TMEM131: variants seen among roughly 807,000 people sequenced by gnomAD.
The protein encoded by TMEM131 is 2610524E03Rik.
A neutral mutation model predicts 211.6 loss-of-function variants in TMEM131; 66 were observed. That is an observed-to-expected ratio of 0.31 (90% CI 0.26 to 0.38). TMEM131 has a LOEUF of 0.38. Ranked by LOEUF, TMEM131 falls within the 10% of genes least tolerant of loss-of-function variation. The pLI is 1.00. For synonymous variants in TMEM131, 844 were observed against 841.3 expected, an observed-to-expected ratio of 1.00 and a Z score of -0.06; for missense variants, 2,036 against 2,299.3, an observed-to-expected ratio of 0.89 and a Z score of 2.34.
intron 4 of TMEM131, among the ~76,000 whole-genome samples, chr2:97,886,198 T>C (rs1356111558): frequency 2.0e-5 from 3 of 152,204 alleles, no homozygotes; most frequent in African/African-American, 4.8e-5. Flanking sequence ...AACTGTAAGT[T>C]TTCCTGTATC....
intron 5 of TMEM131, among the ~76,000 whole-genome samples, chr2:97,853,537 C>T (rs530141784): frequency 6.9e-4 from 101 of 145,578 alleles, no homozygotes; most frequent in South Asian, 2.2e-3. Context: ...ACCTGGGAGG[C>T]GGAGGTTGCA....
At chr2:97,829,691 A>G (rs1481945855) in intron 11 of TMEM131, among the ~76,000 whole-genome samples, 2 of 152,266 alleles carry the variant, frequency 1.3e-5, no homozygotes, top group East Asian at 3.9e-4. Flanking sequence ...TTGGGTCCGC[A>G]CCACCTTTAA....
chr2:97,948,578 GA>G (rs1678151909), intron 1 of TMEM131, among the ~76,000 whole-genome samples: 1 of 152,172 alleles, frequency 6.6e-6, no homozygotes, highest in Admixed American at 6.5e-5. Flanking sequence ...GGATGTGCAG[GA>G]AGTGGAACTG....
At chr2:97,762,991 G>A (rs570698671) in intron 35 of TMEM131, 3 of 152,328 alleles carry the variant, frequency 2.0e-5, no homozygotes, top group African/African-American at 7.2e-5. Context: ...GCTACTGCAA[G>A]AGGAAGAAGG....
intron 2 of TMEM131, among the ~76,000 whole-genome samples, chr2:97,922,041 G>T (rs928883912): frequency 1.3e-5 from 2 of 152,144 alleles, no homozygotes; most frequent in Non-Finnish European, 2.9e-5. Context: ...CTGGCACCAG[G>T]GACTGGTTTC....
At chr2:97,798,319 G>T (rs1333746203) in intron 25 of TMEM131, among the ~76,000 whole-genome samples, 2 of 152,162 alleles carry the variant, frequency 1.3e-5, no homozygotes, top group African/African-American at 4.8e-5. Context: ...CTTTTTTGAG[G>T]GAAGGGTTGT....
intron 5 of TMEM131, among the ~76,000 whole-genome samples, chr2:97,858,468 C>A (rs998342618): frequency 5.9e-5 from 9 of 151,992 alleles, no homozygotes; most frequent in Admixed American, 5.2e-4. Flanking sequence ...GTAAGGAGAA[C>A]CTTAAATTGG....
intron 4 of TMEM131, among the ~76,000 whole-genome samples, chr2:97,874,946 C>T (rs1245985230): frequency 6.6e-6 from 1 of 152,080 alleles, no homozygotes; most frequent in Non-Finnish European, 1.5e-5. Context: ...AGAGTCAAGA[C>T]CCATCAGTGT....
chr2:97,875,532 TGC>T (rs1412975933), intron 4 of TMEM131, among the ~76,000 whole-genome samples: 4 of 152,226 alleles, frequency 2.6e-5, no homozygotes, highest in African/African-American at 9.7e-5. Context: ...CAGATCACAG[TGC>T]AATCAAATTC....
At chr2:97,908,838 C>T in intron 2 of TMEM131, 140 bp from the exon 3 acceptor site, 1 of 598,870 alleles carries the variant, frequency 1.7e-6, no homozygotes, top group South Asian at 2.7e-5. Flanking sequence ...ACCTGGTCTC[C>T]AAATCACATA....
At chr2:97,941,520 C>G (rs893057432) in intron 1 of TMEM131, among the ~76,000 whole-genome samples, 5 of 152,156 alleles carry the variant, frequency 3.3e-5, no homozygotes, top group African/African-American at 4.8e-5. Flanking sequence ...AAGAAACTAC[C>G]ATCAGAGTGA....
chr2:97,893,732 T>C (rs940900119), intron 3 of TMEM131, among the ~76,000 whole-genome samples: 2 of 145,248 alleles, frequency 1.4e-5, no homozygotes, highest in African/African-American at 5.0e-5. Flanking sequence ...CACTTTTTGA[T>C]GGTTTTTTTT....
chr2:97,904,735 G>GATCAACTGAGTATTCATTTAGTATTTA (rs1675997347), intron 3 of TMEM131, among the ~76,000 whole-genome samples: 3 of 149,222 alleles, frequency 2.0e-5, no homozygotes, highest in African/African-American at 7.3e-5. Flanking sequence ...CCTTCTTTTA[G>GATCAACTGAGTATTCATTTAGTATTTA]ATCAACTGAG....
intron 31 of TMEM131, among the ~76,000 whole-genome samples, chr2:97,778,791 C>A (rs1266074070): frequency 6.6e-6 from 1 of 152,160 alleles, no homozygotes; most frequent in Non-Finnish European, 1.5e-5. Flanking sequence ...CCAGGCCCCA[C>A]CATGAACCCC....
At chr2:97,774,164 T>C (rs1173848599) in intron 32 of TMEM131, among the ~76,000 whole-genome samples, 2 of 152,268 alleles carry the variant, frequency 1.3e-5, no homozygotes, top group Admixed American at 1.3e-4. Flanking sequence ...CGTTTGAAAC[T>C]ACTTTGAGTT....
intron 4 of TMEM131, among the ~76,000 whole-genome samples, chr2:97,879,900 T>C (rs1674854374): frequency 6.6e-6 from 1 of 152,178 alleles, no homozygotes; most frequent in Admixed American, 6.5e-5. Context: ...CATGTGAATT[T>C]TCAACTACGC....
chr2:97,940,622 C>T (rs1231224204), intron 1 of TMEM131, among the ~76,000 whole-genome samples: 2 of 151,994 alleles, frequency 1.3e-5, no homozygotes, highest in African/African-American at 4.8e-5. Flanking sequence ...TCCTGGCTAA[C>T]GTGGTGAAAC....
At chr2:97,862,655 C>T (rs1674115348) in intron 4 of TMEM131, among the ~76,000 whole-genome samples, 3 of 151,712 alleles carry the variant, frequency 2.0e-5, no homozygotes, top group Admixed American at 6.6e-5. Flanking sequence ...AATTAGTGAG[C>T]TTGAAGACAG....
intron 11 of TMEM131, among the ~76,000 whole-genome samples, chr2:97,832,301 T>C (rs1682740070): frequency 6.6e-6 from 1 of 152,222 alleles, no homozygotes; most frequent in South Asian, 2.1e-4. Flanking sequence ...ATATGTTTAT[T>C]GAAAAAGATA....
Sources: allele counts gnomAD v4.1 joint callset (sites outside exome capture counted in the v4.1 genomes callset), GRCh38; gene constraint gnomAD v4.1.1; transcripts MANE v1.5; gene names NCBI Gene and HGNC (gene_info 2026-07-23, HGNC 2026-07-21).